The following CDH4 variants were observed in gnomAD, a reference collection of about 807,000 sequenced individuals.
CDH4 encodes the protein cadherin 4, also known as cadherin-4.
CDH4 carries 33 observed loss-of-function variants against 86.0 expected under a neutral mutation model. The ratio of observed to expected loss-of-function variants is 0.38; its 90% CI spans 0.29 to 0.51. The LOEUF (loss-of-function observed/expected upper bound fraction) is 0.51. Ranked by LOEUF, CDH4 falls within the 20% of genes least tolerant of loss-of-function variation. CDH4 has a pLI of 0.86. For synonymous variants in CDH4, 555 were observed against 549.4 expected (o/e 1.01, Z -0.14); for missense variants, 1,114 against 1,307.4 (o/e 0.85, Z 2.28).
chr20:61,528,466 A>AAGGGGGGGGAGGGG (rs2085928577), intron 2 of CDH4, among the ~76,000 whole-genome samples: 1 of 8,170 alleles, frequency 1.2e-4, no homozygotes, highest in African/African-American at 4.7e-4. Flanking sequence ...GGGGAGAGGG[A>AAGGGGGGGGAGGGG]GGGGGAGGGG....
chr20:61,695,480 A>G (rs748155342), intron 2 of CDH4, among the ~76,000 whole-genome samples: 4 of 152,098 alleles, frequency 2.6e-5, no homozygotes, highest in Non-Finnish European at 2.9e-5. Flanking sequence ...GCCCCTTTCC[A>G]TGGTGCCTCT....
chr20:61,315,777 C>G (rs1329582062), intron 2 of CDH4, among the ~76,000 whole-genome samples: 3 of 152,226 alleles, frequency 2.0e-5, no homozygotes, highest in Non-Finnish European at 4.4e-5. Context: ...GATCATAGCT[C>G]ACTACAGCCT....
chr20:61,710,468 C>A (rs993582063), intron 2 of CDH4, among the ~76,000 whole-genome samples: 1 of 152,234 alleles, frequency 6.6e-6, no homozygotes, highest in Non-Finnish European at 1.5e-5. Flanking sequence ...GCAGAGCCCC[C>A]CTCCTGGGGA....
intron 4 of CDH4, among the ~76,000 whole-genome samples, chr20:61,791,827 G>T (rs944873792): frequency 6.6e-6 from 1 of 152,148 alleles, no homozygotes; most frequent in Non-Finnish European, 1.5e-5. Context: ...AAGGCCCTGG[G>T]GTAGGAATGA....
intron 2 of CDH4, among the ~76,000 whole-genome samples, chr20:61,428,846 G>A (rs1274469048): frequency 6.6e-6 from 1 of 152,142 alleles, no homozygotes; most frequent in African/African-American, 2.4e-5. Flanking sequence ...GAGAGAGTGA[G>A]CGAGAGCAGG....
intron 4 of CDH4, among the ~76,000 whole-genome samples, chr20:61,798,253 C>T (rs919473663): frequency 6.8e-6 from 1 of 147,700 alleles, no homozygotes; most frequent in African/African-American, 2.5e-5. Context: ...TGCGGGAGCA[C>T]GCAGCAACAG....
At chr20:61,808,651 C>G (rs571863613) in intron 4 of CDH4, among the ~76,000 whole-genome samples, 2 of 152,340 alleles carry the variant, frequency 1.3e-5, no homozygotes, top group South Asian at 4.1e-4. Flanking sequence ...AGCAGCTTCT[C>G]CGGCAGCACG....
chr20:61,309,357 G>A (rs1441810470), intron 2 of CDH4, among the ~76,000 whole-genome samples: 1 of 14,818 alleles, frequency 6.7e-5, no homozygotes, highest in African/African-American at 1.1e-4. Context: ...TGTCTTCCTC[G>A]AGTTTCCAGA....
intron 2 of CDH4, among the ~76,000 whole-genome samples, chr20:61,509,037 C>T (rs747699349): frequency 9.2e-5 from 14 of 152,116 alleles, no homozygotes; most frequent in East Asian, 1.9e-4. Flanking sequence ...GGTTCTAAGC[C>T]GGTCTTTGGA....
chr20:61,331,724 A>AGGCCCACCTCCTGCCC (rs2084581170), intron 2 of CDH4, among the ~76,000 whole-genome samples: 1 of 2,148 alleles, frequency 4.7e-4, no homozygotes, highest in Non-Finnish European at 9.3e-4. Context: ...CGACCACCTG[A>AGGCCCACCTCCTGCCC]CAGAAATGAG....
At chr20:61,633,571 A>G (rs115372801) in intron 2 of CDH4, among the ~76,000 whole-genome samples, 3,093 of 152,238 alleles carry the variant, frequency 0.02, 89 homozygotes, top group African/African-American at 0.07. Flanking sequence ...ACCCATCACC[A>G]AGTTCCAAAA....
At chr20:61,669,356 C>T (rs1046604407) in intron 2 of CDH4, among the ~76,000 whole-genome samples, 5 of 152,172 alleles carry the variant, frequency 3.3e-5, no homozygotes, top group African/African-American at 9.7e-5. Context: ...ATCTGGTGAC[C>T]GGCGGGATGG....
At chr20:61,631,925 G>A (rs1404193104) in intron 2 of CDH4, among the ~76,000 whole-genome samples, 2 of 152,240 alleles carry the variant, frequency 1.3e-5, no homozygotes, top group Admixed American at 6.5e-5. Flanking sequence ...CCACCCAGCC[G>A]CTGCCATAAG....
rs2145693804 is a variant in CDH4 at position 61,565,133 on chromosome 20, GGTCCTCTTGGTGT to G, written c.170-178429_170-178417del. ...TGGTGCTGGTGCTCTTGGTGGTGCT[GGTCCTCTTGGTGT>G]TGGTAGTGGTCCTCTTGGTGATGGG... is the stretch of plus-strand genomic sequence containing the variant. On this transcript the variant is annotated intron_variant, in intron 2 of 15. Coordinates refer to ENST00000614565, the MANE Select transcript of CDH4 (RefSeq NM_001794.5). Among the ~76,000 whole-genome samples the G allele has an allele frequency of 3.7e-5, 5 of 135,774 alleles. No homozygotes were observed. In the South Asian group the frequency reaches 8.2e-4, roughly 22 times the overall value. 89.1% of individuals were successfully genotyped at this position (135,774 alleles called of 152,430 possible). A position where few individuals can be genotyped will look rare whatever the true frequency, so the allele number is the denominator to read the frequency against.
chr20:61,884,084 C>T (rs1984425363), intron 7 of CDH4, among the ~76,000 whole-genome samples: 1 of 152,198 alleles, frequency 6.6e-6, no homozygotes, highest in African/African-American at 2.4e-5. Context: ...CTGGTGTTTT[C>T]TCTGGGTTTG....
Position 61,618,488 on chromosome 20 carries a change from C to T in CDH4, c.170-125075C>T, listed in dbSNP as rs183206054. Among the ~76,000 whole-genome samples, 86 of 152,252 alleles carry T rather than the reference C, an allele frequency of 5.6e-4. No individual in the cohort carries two copies. The South Asian group carries it at 8.7e-3, about 15-fold the overall frequency. ...GGTTTGATGGTGGCACAGAGATGCC[C>T]GGGGGCAGGAGCGGGCCCTTCCACC... On this transcript the variant is annotated intron_variant, in intron 2 of 15. Transcript: ENST00000614565.
intron 2 of CDH4, among the ~76,000 whole-genome samples, chr20:61,730,800 C>T (rs555439201): frequency 1.3e-5 from 2 of 152,034 alleles, no homozygotes; most frequent in African/African-American, 2.4e-5. Context: ...CCAGAAACGC[C>T]AGATCTACTT....
intron 2 of CDH4, among the ~76,000 whole-genome samples, chr20:61,311,773 T>C (rs2084446771): frequency 6.6e-6 from 1 of 152,272 alleles, no homozygotes; most frequent in Non-Finnish European, 1.5e-5. Flanking sequence ...TTTGCGGTTT[T>C]ACTCAGTGAT....
intron 2 of CDH4, among the ~76,000 whole-genome samples, chr20:61,553,855 C>T (rs899512258): frequency 1.2e-4 from 18 of 152,304 alleles, no homozygotes; most frequent in African/African-American, 3.6e-4. Flanking sequence ...TATGGACAGC[C>T]GGGAGGCAAG....
Sources: allele counts gnomAD v4.1 joint callset (sites outside exome capture counted in the v4.1 genomes callset), GRCh38; gene constraint gnomAD v4.1.1; transcripts MANE v1.5; gene names NCBI Gene and HGNC (gene_info 2026-07-23, HGNC 2026-07-21).